The following DLGAP2 variants were observed in gnomAD, a reference collection of about 807,000 sequenced individuals.
The protein encoded by DLGAP2 is DLG associated protein 2, also known as disks large-associated protein 2.
In DLGAP2, 26 loss-of-function variants were observed where a neutral mutation model predicts 100.3. The ratio of observed to expected loss-of-function variants is 0.26; its 90% CI spans 0.19 to 0.36. The LOEUF (loss-of-function observed/expected upper bound fraction) is 0.36, where lower values mean the gene tolerates loss of function less well. Among genes scored for constraint, DLGAP2 ranks in the 10% least tolerant of loss-of-function variants. The pLI, the probability that DLGAP2 is intolerant of heterozygous loss-of-function variation, is 1.00. For synonymous variants in DLGAP2, 886 were observed against 630.1 expected, an observed-to-expected ratio of 1.41 and a Z score of -6.08; for missense variants, 1,858 against 1,453.2, an observed-to-expected ratio of 1.28 and a Z score of -4.53.
chr8:1,189,644 A>G (rs1352456016), intron 2 of DLGAP2, among the ~76,000 whole-genome samples: 2 of 152,204 alleles, frequency 1.3e-5, no homozygotes, highest in East Asian at 1.9e-4. Context: ...TGACATCCCC[A>G]TGCCTGGAAA....
intron 1 of DLGAP2, among the ~76,000 whole-genome samples, chr8:757,413 G>C (rs1820949470): frequency 6.6e-6 from 1 of 152,184 alleles, no homozygotes; most frequent in Admixed American, 6.5e-5. Context: ...TGGTGCAGTT[G>C]CATGAGACTC....
intron 1 of DLGAP2, among the ~76,000 whole-genome samples, chr8:829,319 A>G (rs1796739402): frequency 1.3e-5 from 2 of 152,214 alleles, no homozygotes; most frequent in Admixed American, 1.3e-4. Flanking sequence ...ACCCTGATGA[A>G]GTTTGTTCCA....
chr8:1,700,696 C>T (rs1189624053), intron 14 of DLGAP2, among the ~76,000 whole-genome samples: 1 of 152,144 alleles, frequency 6.6e-6, no homozygotes, highest in African/African-American at 2.4e-5. Flanking sequence ...CGAATCGGGC[C>T]AGTGTTTCCC....
At chr8:1,261,048 C>T (rs118010333) in intron 3 of DLGAP2, among the ~76,000 whole-genome samples, 1,665 of 152,330 alleles carry the variant, frequency 0.011, 22 homozygotes, top group South Asian at 0.053. Flanking sequence ...TTCGTTCCTG[C>T]TCTAGAAGGC....
chr8:1,471,313 C>G (rs71499007), intron 3 of DLGAP2, among the ~76,000 whole-genome samples: 4 of 32,310 alleles, frequency 1.2e-4, no homozygotes, highest in Non-Finnish European at 1.7e-4. Context: ...CCCGACCCCT[C>G]CAGCCTTTCC....
chr8:1,392,471 G>A (rs929216138), intron 3 of DLGAP2, among the ~76,000 whole-genome samples: 38 of 152,382 alleles, frequency 2.5e-4, no homozygotes, highest in African/African-American at 7.7e-4. Context: ...CTTGGACGCC[G>A]CGTGGTCCTT....
intron 2 of DLGAP2, among the ~76,000 whole-genome samples, chr8:910,779 A>G (rs924676714): frequency 6.6e-6 from 1 of 152,084 alleles, no homozygotes. Context: ...ATCCAGCACC[A>G]TCTTTTACTA....
chr8:1,240,552 T>TGTCTAGTTCTCTTACATGGCGCC (rs1798765276), intron 2 of DLGAP2, among the ~76,000 whole-genome samples: 1 of 118,912 alleles, frequency 8.4e-6, no homozygotes, highest in African/African-American at 3.1e-5. Context: ...CACATGGCGC[T>TGTCTAGTTCTCTTACATGGCGCC]GTGTCTAGTT....
At chr8:890,355 T>A (rs1036415868) in intron 1 of DLGAP2, among the ~76,000 whole-genome samples, 7 of 152,260 alleles carry the variant, frequency 4.6e-5, no homozygotes, top group African/African-American at 1.7e-4. Flanking sequence ...GGCGCCTGGA[T>A]GAGTGTTTAT....
chr8:1,445,161 A>T (rs1469687453), intron 3 of DLGAP2, among the ~76,000 whole-genome samples: 1 of 149,812 alleles, frequency 6.7e-6, no homozygotes, highest in South Asian at 2.1e-4. Flanking sequence ...ACATGTATAC[A>T]TGTGCCATGC....
chr8:1,073,132 G>T (rs551455092), intron 2 of DLGAP2, among the ~76,000 whole-genome samples: 2 of 152,264 alleles, frequency 1.3e-5, no homozygotes, highest in South Asian at 4.2e-4. Flanking sequence ...GTTGAGGCAC[G>T]ATCTGGCTTC....
intron 1 of DLGAP2, among the ~76,000 whole-genome samples, chr8:741,772 C>A (rs1211941057): frequency 6.6e-6 from 1 of 152,214 alleles, no homozygotes; most frequent in Non-Finnish European, 1.5e-5. Flanking sequence ...TACTTCCCGT[C>A]AGAGGTGGCT....
intron 8 of DLGAP2, among the ~76,000 whole-genome samples, chr8:1,634,516 C>G (rs914368087): frequency 5.9e-5 from 9 of 152,340 alleles, no homozygotes; most frequent in African/African-American, 2.2e-4. Flanking sequence ...CTGCTCACTC[C>G]TGCCCCTTGG....
intron 4 of DLGAP2, among the ~76,000 whole-genome samples, chr8:1,547,963 T>C (rs1563213625): frequency 6.6e-6 from 1 of 152,210 alleles, no homozygotes; most frequent in Non-Finnish European, 1.5e-5. Flanking sequence ...CAGATGCTAT[T>C]TTTAAAACTT....
intron 2 of DLGAP2, among the ~76,000 whole-genome samples, chr8:1,117,734 T>C (rs1024271315): frequency 6.6e-6 from 1 of 152,182 alleles, no homozygotes; most frequent in Non-Finnish European, 1.5e-5. Context: ...ACCAGGACTC[T>C]TTGTAAGACA....
intron 1 of DLGAP2, among the ~76,000 whole-genome samples, chr8:820,888 C>G (rs1796571421): frequency 6.6e-6 from 1 of 151,996 alleles, no homozygotes; most frequent in South Asian, 2.1e-4. Context: ...CTGTCTGTAC[C>G]GATATGGAGA....
chr8:1,237,283 A>G (rs1436992946), intron 2 of DLGAP2, among the ~76,000 whole-genome samples: 2 of 132,694 alleles, frequency 1.5e-5, no homozygotes, highest in African/African-American at 3.3e-5. Flanking sequence ...TCTCTCACAC[A>G]TAGCGTCATG....
At chr8:1,157,177 C>G (rs1796807755) in intron 2 of DLGAP2, among the ~76,000 whole-genome samples, 1 of 152,144 alleles carries the variant, frequency 6.6e-6, no homozygotes, top group African/African-American at 2.4e-5. Flanking sequence ...CTCTCTTTAG[C>G]TGTGATCAGC....
intron 12 of DLGAP2, among the ~76,000 whole-genome samples, chr8:1,689,472 C>A (rs1040266146): frequency 1.3e-5 from 2 of 152,236 alleles, no homozygotes; most frequent in Admixed American, 6.5e-5. Flanking sequence ...AGGATAAATG[C>A]CCCCTTTTCC....
Sources: allele counts gnomAD v4.1 joint callset (sites outside exome capture counted in the v4.1 genomes callset), GRCh38; gene constraint gnomAD v4.1.1; transcripts MANE v1.5; gene names NCBI Gene and HGNC (gene_info 2026-07-23, HGNC 2026-07-21).